Variants in SH3KBP1 observed in about 807,000 individuals in gnomAD.
SH3KBP1 encodes the protein SH3 domain-containing kinase-binding protein 1.
In SH3KBP1, 8 loss-of-function variants were observed where a neutral mutation model predicts 50.1. The ratio of observed to expected loss-of-function variants is 0.16; its 90% CI spans 0.09 to 0.29. The LOEUF (loss-of-function observed/expected upper bound fraction) is 0.29. SH3KBP1 is among the 10% of genes least tolerant of loss of function. The pLI is 1.00. For missense variants in SH3KBP1, 377 were observed against 535.2 expected, an observed-to-expected ratio of 0.70 and a Z score of 2.92; for synonymous variants, 227 against 218.6, an observed-to-expected ratio of 1.04 and a Z score of -0.34.
intron 2 of SH3KBP1, among the ~76,000 whole-genome samples, chrX:19,762,709 C>T (rs1180238231): frequency 7.1e-5 from 8 of 112,142 alleles, no homozygotes; most frequent in African/African-American, 1.3e-4. Flanking sequence ...CTTGATAAAT[C>T]GGCTCTGTCT....
rs1371603135 is a variant in SH3KBP1 at position 19,534,253 on chromosome X, G to A, written c.*2164C>T. Reference sequence around the variant, plus strand: ...GCAGAATCCTCTTGCTGGGTAGCCCGAGGGGCCGCAATGAAGCTAGACATA... The same window carrying A: ...GCAGAATCCTCTTGCTGGGTAGCCCAAGGGGCCGCAATGAAGCTAGACATA... On this transcript the variant is annotated 3_prime_UTR_variant, in exon 18 of 18. Coordinates refer to ENST00000397821, the MANE Select transcript of SH3KBP1 (RefSeq NM_031892.3). 9.2e-6 allele frequency: 1 copy of A among 109,255 alleles called. No individual in the cohort carries two copies. Among genetic ancestry groups the A allele is most frequent in the African/African-American group, 3.3e-5 (1 of 29,964 alleles). The allele number at this position is 109,255 out of a possible 1,213,427, so 9.0% of individuals were successfully genotyped here.
In SH3KBP1 at chrX:19,887,441, C is replaced by T. The variant is rs1225051877; in HGVS notation, c.-131G>A. ...CCGGACGCGGCGGCGGCTGGGCCGG[C>T]TTCTTCCTCAGTGGCGGCGGCGGCG... On this transcript the variant is annotated 5_prime_UTR_variant, in exon 1 of 18. Transcript: ENST00000397821. 1.9e-5 allele frequency: 10 copies of T among 519,242 alleles called. No individual in the cohort carries two copies. In the Admixed American group the frequency reaches 2.6e-4, roughly 14 times the overall value. The allele number at this position is 519,242 out of a possible 1,213,427, so 42.8% of individuals were successfully genotyped here. A position where few individuals can be genotyped will look rare whatever the true frequency, so the allele number is the denominator to read the frequency against.
chrX:19,712,084 T>C (rs969085810), intron 3 of SH3KBP1, among the ~76,000 whole-genome samples: 16 of 112,412 alleles, frequency 1.4e-4, no homozygotes, highest in Non-Finnish European at 2.8e-4. Flanking sequence ...TCTATGTCTC[T>C]TATTCTTTGC....
chrX:19,756,831 T>C (rs1193711252), intron 2 of SH3KBP1, among the ~76,000 whole-genome samples: 4 of 107,003 alleles, frequency 3.7e-5, no homozygotes, highest in African/African-American at 1.4e-4. Flanking sequence ...AGTCAGTCTG[T>C]ATGTACCAAG....
intron 2 of SH3KBP1, among the ~76,000 whole-genome samples, chrX:19,766,925 G>A (rs911233129): frequency 9.0e-6 from 1 of 111,179 alleles, no homozygotes; most frequent in South Asian, 3.8e-4. Context: ...AACCATATCT[G>A]CATCGTAAGG....
chrX:19,866,043 C>G (rs1202711870), intron 1 of SH3KBP1, among the ~76,000 whole-genome samples: 3 of 111,800 alleles, frequency 2.7e-5, no homozygotes, highest in Non-Finnish European at 5.7e-5. Context: ...TAACATAAAG[C>G]AAGAGGAAAA....
At position 19,712,644 on chromosome X, in the gene SH3KBP1, A is replaced by G. The variant is rs142576093; in HGVS notation, c.287-5660T>C. 2.5e-3 allele frequency among the ~76,000 whole-genome samples: 277 copies of G among 111,257 alleles called. 2 individuals carry two copies. The highest frequency in any genetic ancestry group is 8.8e-3 in the African/African-American group (270 of 30,597). ...CTTGTTGGGGATTAAGATATTTACC[A>G]AATCTCAAAGTATCTCCCCACAGTT... On this transcript the variant is annotated intron_variant, in intron 3 of 17. Transcript: ENST00000397821.
intron 1 of SH3KBP1, among the ~76,000 whole-genome samples, chrX:19,878,301 CTT>C (rs397956540): frequency 2.2e-5 from 2 of 92,829 alleles, no homozygotes; most frequent in Non-Finnish European, 2.1e-5. Context: ...TGATGTAGAC[CTT>C]TTTTTTTTTT....
At chrX:19,612,886 T>C (rs1295047154) in intron 8 of SH3KBP1, among the ~76,000 whole-genome samples, 1 of 111,330 alleles carries the variant, frequency 9.0e-6, no homozygotes, top group East Asian at 2.8e-4. Context: ...ACTGAGGCAA[T>C]GAGAATGGTC....
At chrX:19,642,102 C>A in intron 7 of SH3KBP1, among the ~76,000 whole-genome samples, 1 of 112,109 alleles carries the variant, frequency 8.9e-6, no homozygotes, top group Middle Eastern at 4.6e-3. Context: ...TCGGCCCCCA[C>A]GAAGTGCTAG....
intron 17 of SH3KBP1, 133 bp from the exon 18 acceptor site, chrX:19,536,591 G>T (rs1028188423): frequency 1.5e-5 from 6 of 389,723 alleles, no homozygotes; most frequent in Non-Finnish European, 2.7e-5. Flanking sequence ...CATGACATCT[G>T]AATAGACAAT....
chrX:19,726,294 C>T (rs1350600234), intron 3 of SH3KBP1, among the ~76,000 whole-genome samples: 1 of 111,511 alleles, frequency 9.0e-6, no homozygotes, highest in Non-Finnish European at 1.9e-5. Context: ...ACCCAAACTA[C>T]ACCACTCACT....
chrX:19,615,683 T>C (rs1323977008), intron 8 of SH3KBP1, among the ~76,000 whole-genome samples: 1 of 111,566 alleles, frequency 9.0e-6, no homozygotes, highest in Non-Finnish European at 1.9e-5. Context: ...CAGAATTTTC[T>C]ACATCCCCAT....
At chrX:19,851,485 T>C (rs1007978852) in intron 1 of SH3KBP1, among the ~76,000 whole-genome samples, 3 of 112,667 alleles carry the variant, frequency 2.7e-5, no homozygotes, top group Non-Finnish European at 3.8e-5. Context: ...TTTGCCTCTG[T>C]AGACCCAGGA....
intron 8 of SH3KBP1, among the ~76,000 whole-genome samples, chrX:19,624,972 T>G (rs1404757815): frequency 8.9e-6 from 1 of 112,196 alleles, no homozygotes; most frequent in Non-Finnish European, 1.9e-5. Context: ...TGACACGTGC[T>G]AATTTACTCC....
chrX:19,671,102 G>A (rs747796219), intron 6 of SH3KBP1: 17 of 836,665 alleles, frequency 2.0e-5, no homozygotes, highest in Non-Finnish European at 2.7e-5. Flanking sequence ...CCTCGCCTAT[G>A]TTGCTGCTGC....
chrX:19,754,364 C>T (rs2065150181), intron 2 of SH3KBP1, among the ~76,000 whole-genome samples: 1 of 112,264 alleles, frequency 8.9e-6, no homozygotes, highest in Admixed American at 9.4e-5. Flanking sequence ...CCCCGCTAAA[C>T]ATCTAGATTA....
rs777712621 is a variant in SH3KBP1, at chrX:19,534,193, G to A, written c.*2224C>T. On this transcript the variant is annotated 3_prime_UTR_variant, in exon 18 of 18. Coordinates refer to ENST00000397821, the MANE Select transcript of SH3KBP1 (RefSeq NM_031892.3). ...CCATTTTGTAAAGAGTAAAGATGGTGGCAGTTTGGGTAGCGGCTCGTCCAG... is the reference window on the plus strand; with the variant it reads ...CCATTTTGTAAAGAGTAAAGATGGTAGCAGTTTGGGTAGCGGCTCGTCCAG... The A allele has an allele frequency of 9.1e-6, 1 of 109,738 alleles. No individual in the cohort carries two copies. Among genetic ancestry groups the A allele is most frequent in the South Asian group, 4.0e-4 (1 of 2,489 alleles). 9.0% of individuals were successfully genotyped at this position (109,738 alleles called of 1,213,427 possible).
intron 6 of SH3KBP1, among the ~76,000 whole-genome samples, chrX:19,657,558 T>C (rs2062316877): frequency 9.2e-6 from 1 of 108,326 alleles, no homozygotes; most frequent in African/African-American, 3.4e-5. Flanking sequence ...TGAAACCCTG[T>C]CTCTACAAAA....
Sources: gnomAD v4.1 joint callset for allele counts (sites outside exome capture counted in the v4.1 genomes callset) on GRCh38, gnomAD v4.1.1 for gene constraint, MANE v1.5 for transcripts, NCBI Gene and HGNC (gene_info 2026-07-23, HGNC 2026-07-21) for gene names.